PTPRM: variants seen among roughly 807,000 people sequenced by gnomAD.
PTPRM encodes the protein receptor-type tyrosine-protein phosphatase mu.
PTPRM carries 47 observed loss-of-function variants against 186.7 expected under a neutral mutation model. The observed-to-expected ratio is 0.25, with a 90% CI of 0.20 to 0.32. The LOEUF is 0.32. Ranked by LOEUF, PTPRM falls within the 10% of genes least tolerant of loss-of-function variation. The pLI is 1.00. For missense variants in PTPRM, 1,494 were observed against 1,865.0 expected (o/e 0.80, Z 3.66); for synonymous variants, 668 against 674.9 (o/e 0.99, Z 0.16).
chr18:7,861,248 G>A (rs2047365425), intron 2 of PTPRM, among the ~76,000 whole-genome samples: 1 of 151,880 alleles, frequency 6.6e-6, no homozygotes, highest in Admixed American at 6.6e-5. Flanking sequence ...TTTTTTAACT[G>A]GAGGTTTGCA....
At chr18:8,198,702 CT>C (rs1369390841) in intron 14 of PTPRM, among the ~76,000 whole-genome samples, 1 of 152,122 alleles carries the variant, frequency 6.6e-6, no homozygotes, top group African/African-American at 2.4e-5. Context: ...GGCTTTCCAC[CT>C]TACCCTTTTG....
intron 14 of PTPRM, among the ~76,000 whole-genome samples, chr18:8,183,162 A>G (rs1382660803): frequency 6.6e-6 from 1 of 152,232 alleles, no homozygotes; most frequent in African/African-American, 2.4e-5. Flanking sequence ...CAAAACCTAA[A>G]CAAAATAAAC....
intron 19 of PTPRM, among the ~76,000 whole-genome samples, chr18:8,289,617 T>TATAC (rs367761614): frequency 1.8e-5 from 2 of 109,268 alleles, no homozygotes; most frequent in African/African-American, 9.1e-5. Context: ...CATATATATA[T>TATAC]ACACATATAT....
At chr18:8,289,841 G>A (rs11876033) in intron 19 of PTPRM, among the ~76,000 whole-genome samples, 101,140 of 151,798 alleles carry the variant, frequency 0.67, 34,522 homozygotes, top group African/African-American at 0.8. Context: ...TAAAAGATCA[G>A]TGAATGTTCA....
chr18:8,145,254 T>C (rs2092854615), intron 14 of PTPRM, among the ~76,000 whole-genome samples: 1 of 152,182 alleles, frequency 6.6e-6, no homozygotes, highest in South Asian at 2.1e-4. Context: ...TTCACCAAAA[T>C]GTGGAACATA....
intron 3 of PTPRM, among the ~76,000 whole-genome samples, chr18:7,905,955 C>G (rs2049959318): frequency 6.6e-6 from 1 of 152,182 alleles, no homozygotes; most frequent in South Asian, 2.1e-4. Context: ...CAACCACAAT[C>G]CAAATGTGTG....
chr18:7,749,622 C>T lies in PTPRM; in HGVS notation c.74-24527C>T, dbSNP rs577154881. Among the ~76,000 whole-genome samples, 23 of 152,240 alleles carry T rather than the reference C, an allele frequency of 1.5e-4. 1 individual carries two copies. The highest frequency in any genetic ancestry group is 5.9e-4 in the Admixed American group (9 of 15,296). ...TAATTAGAGTCTGGCCCCATTTGCTCCTGTCTGAGCCGATCAGTGTGAGGA... is the reference window on the plus strand; with the variant it reads ...TAATTAGAGTCTGGCCCCATTTGCTTCTGTCTGAGCCGATCAGTGTGAGGA... On this transcript the variant is annotated intron_variant, in intron 1 of 32. Coordinates refer to ENST00000580170, the MANE Select transcript of PTPRM (RefSeq NM_001105244.2).
intron 1 of PTPRM, among the ~76,000 whole-genome samples, chr18:7,628,304 A>G (rs968593031): frequency 1.1e-4 from 16 of 152,232 alleles, no homozygotes; most frequent in African/African-American, 3.6e-4. Context: ...AATAATCCAG[A>G]AACAAAAAAA....
intron 14 of PTPRM, among the ~76,000 whole-genome samples, chr18:8,188,516 C>T (rs1041306241): frequency 6.6e-6 from 1 of 152,230 alleles, no homozygotes; most frequent in Non-Finnish European, 1.5e-5. Flanking sequence ...TAGCCCCACA[C>T]CGTGACGAAA....
intron 11 of PTPRM, 70 bp downstream of exon 11, chr18:8,088,921 G>T: frequency 2.5e-6 from 3 of 1,189,350 alleles, no homozygotes; most frequent in Non-Finnish European, 3.7e-6. Flanking sequence ...TTCCTCCAAT[G>T]TGTTTTCTAG....
At chr18:7,899,735 T>C (rs1045353064) in intron 3 of PTPRM, among the ~76,000 whole-genome samples, 1 of 152,236 alleles carries the variant, frequency 6.6e-6, no homozygotes. Flanking sequence ...CTCAGTAGTT[T>C]ACAGTGTCTT....
At chr18:7,825,866 A>C (rs886959054) in intron 2 of PTPRM, among the ~76,000 whole-genome samples, 1 of 152,226 alleles carries the variant, frequency 6.6e-6, no homozygotes, top group South Asian at 2.1e-4. Flanking sequence ...GTTTTTCTAG[A>C]ATAATATCGA....
intron 11 of PTPRM, among the ~76,000 whole-genome samples, chr18:8,102,158 G>T (rs1049941461): frequency 3.2e-4 from 49 of 152,314 alleles, no homozygotes; most frequent in African/African-American, 1.1e-3. Context: ...GATCATCTGA[G>T]CCTTCAATGA....
chr18:8,174,762 T>A (rs2093457067), intron 14 of PTPRM, among the ~76,000 whole-genome samples: 1 of 152,232 alleles, frequency 6.6e-6, no homozygotes, highest in African/African-American at 2.4e-5. Context: ...GCTGCTTTCA[T>A]TCAAAAGAAG....
intron 2 of PTPRM, among the ~76,000 whole-genome samples, chr18:7,809,209 G>T (rs941356709): frequency 1.3e-5 from 2 of 152,118 alleles, no homozygotes; most frequent in African/African-American, 2.4e-5. Context: ...GATGCCGGTA[G>T]GAGGCGGCAG....
At chr18:8,214,445 C>A (rs2094051604) in intron 14 of PTPRM, among the ~76,000 whole-genome samples, 1 of 151,988 alleles carries the variant, frequency 6.6e-6, no homozygotes, top group African/African-American at 2.4e-5. Context: ...TTATTAAATT[C>A]TTTTAAAAAG....
chr18:7,651,974 A>C (rs375173096), intron 1 of PTPRM, among the ~76,000 whole-genome samples: 1 of 152,142 alleles, frequency 6.6e-6, no homozygotes, highest in African/African-American at 2.4e-5. Context: ...CAACCCACAA[A>C]ATGGGAGAAA....
rs1213531938 is a variant in PTPRM at position 8,376,449 on chromosome 18, C to G, written c.3327-13C>G. ...CCTTCTTCCTCCACTGACAGACCCCCCTTTTCATTCAGTGCTGGTGCAGGG... is the reference window on the plus strand; with the variant it reads ...CCTTCTTCCTCCACTGACAGACCCCGCTTTTCATTCAGTGCTGGTGCAGGG... On this transcript the variant is annotated splice_polypyrimidine_tract_variant and intron_variant, in intron 25 of 32. Transcript: ENST00000580170. 1 of 1,614,160 alleles carries G rather than the reference C, an allele frequency of 6.2e-7. No individual in the cohort carries two copies. The highest frequency in any genetic ancestry group is 1.7e-5 in the Admixed American group (1 of 60,022).
intron 1 of PTPRM, among the ~76,000 whole-genome samples, chr18:7,758,869 G>C (rs2041634016): frequency 6.6e-6 from 1 of 152,150 alleles, no homozygotes; most frequent in Non-Finnish European, 1.5e-5. Context: ...GCTGAAAAGT[G>C]ATGTACACGC....
Sources: allele counts gnomAD v4.1 joint callset (sites outside exome capture counted in the v4.1 genomes callset), GRCh38; gene constraint gnomAD v4.1.1; transcripts MANE v1.5; gene names NCBI Gene and HGNC (gene_info 2026-07-23, HGNC 2026-07-21).